The following GSAP variants were observed in gnomAD, a reference collection of about 807,000 sequenced individuals.
GSAP encodes the protein gamma-secretase activating protein.
A neutral mutation model predicts 131.7 loss-of-function variants in GSAP; 118 were observed. The ratio of observed to expected loss-of-function variants is 0.90; its 90% CI spans 0.77 to 1.04. The LOEUF (loss-of-function observed/expected upper bound fraction) is 1.04, where lower values mean the gene tolerates loss of function less well. Ranked by LOEUF, GSAP falls within the 50% of genes least tolerant of loss-of-function variation. The probability of loss-of-function intolerance (pLI) is 0.00; values close to 1 mark genes in which losing one functional copy is unlikely to be tolerated. For missense variants in GSAP, 1,019 were observed against 1,013.2 expected, an observed-to-expected ratio of 1.01 and a Z score of -0.08; for synonymous variants, 381 against 363.4, an observed-to-expected ratio of 1.05 and a Z score of -0.55.
chr7:77,311,349 TTTTC>T lies in GSAP; in HGVS notation c.*5_*8del. 1 of 1,559,460 alleles carries T rather than the reference TTTTC, an allele frequency of 6.4e-7. No individual in the cohort carries two copies. The highest frequency in any genetic ancestry group is 8.8e-7 in the Non-Finnish European group (1 of 1,130,760). ...AATGGCAGCAGCAGATCCAATTGCG[TTTTC>T]TTTTTCATAAGCCTAAAAGCATCGC... On this transcript the variant is annotated 3_prime_UTR_variant, in exon 31 of 31. Transcript: ENST00000257626.
chr7:77,386,808 T>C (rs1798644790), intron 6 of GSAP, among the ~76,000 whole-genome samples: 1 of 152,238 alleles, frequency 6.6e-6, no homozygotes, highest in African/African-American at 2.4e-5. Flanking sequence ...CAATTGCGAA[T>C]GTGCATGTTG....
At chr7:77,338,621 G>A (rs77612950) in intron 19 of GSAP, among the ~76,000 whole-genome samples, 16,931 of 152,102 alleles carry the variant, frequency 0.11, 1,026 homozygotes, top group African/African-American at 0.12. Context: ...CCATGTGTTC[G>A]CTGTAACCTC....
chr7:77,334,576 A>C (rs1347580983), intron 19 of GSAP, among the ~76,000 whole-genome samples: 3 of 131,122 alleles, frequency 2.3e-5, no homozygotes, highest in African/African-American at 5.9e-5. Flanking sequence ...TGGAACTTAA[A>C]ATTTAAAAAA....
chr7:77,413,395 G>A (rs180887765), intron 1 of GSAP, among the ~76,000 whole-genome samples: 280 of 152,334 alleles, frequency 1.8e-3, no homozygotes, highest in African/African-American at 6.3e-3. Flanking sequence ...CCCTGAAGGG[G>A]CTGACAGCTG....
At chr7:77,380,322 GT>G (rs998706267) in intron 8 of GSAP, among the ~76,000 whole-genome samples, 15 of 152,220 alleles carry the variant, frequency 9.9e-5, no homozygotes, top group Admixed American at 2.0e-4. Flanking sequence ...ATTGTTAGAA[GT>G]TTTTTTGGAA....
intron 10 of GSAP, 28 bp downstream of exon 10, chr7:77,376,820 C>T: frequency 1.8e-6 from 2 of 1,104,858 alleles, no homozygotes; most frequent in Non-Finnish European, 2.7e-6. Context: ...ATAAACTTTC[C>T]TGTAGTGTGA....
chr7:77,372,907 G>C (rs1239440552), intron 12 of GSAP, among the ~76,000 whole-genome samples: 1 of 152,116 alleles, frequency 6.6e-6, no homozygotes, highest in Non-Finnish European at 1.5e-5. Flanking sequence ...TATCCTTCAA[G>C]TCTCTACTGA....
At position 77,313,010 on chromosome 7, in the gene GSAP, C is replaced by T. The variant is rs117384214; in HGVS notation, c.2271+478G>A. 6.7e-4 allele frequency among the ~76,000 whole-genome samples: 102 copies of T among 152,276 alleles called. No homozygotes were observed. The East Asian group carries it at 0.017, about 25-fold the overall frequency. ...ACCATGTCATATTTTCATAGTATCTCTCACTCTAAGTGTTGATATTCCCTC... is the reference window on the plus strand; with the variant it reads ...ACCATGTCATATTTTCATAGTATCTTTCACTCTAAGTGTTGATATTCCCTC... On this transcript the variant is annotated intron_variant, in intron 28 of 30. Transcript: ENST00000257626.
At chr7:77,337,637 AG>A (rs1158813300) in intron 19 of GSAP, among the ~76,000 whole-genome samples, 2 of 152,194 alleles carry the variant, frequency 1.3e-5, no homozygotes, top group Admixed American at 6.5e-5. Flanking sequence ...GGGAGCAGTA[AG>A]TTTTTGTCCT....
intron 5 of GSAP, among the ~76,000 whole-genome samples, chr7:77,389,104 T>C (rs1352628601): frequency 1.3e-5 from 2 of 152,092 alleles, no homozygotes; most frequent in Non-Finnish European, 2.9e-5. Flanking sequence ...ATAGAAATGC[T>C]CTGTTGAGAG....
At chr7:77,412,725 A>G (rs987906495) in intron 1 of GSAP, among the ~76,000 whole-genome samples, 3 of 151,396 alleles carry the variant, frequency 2.0e-5, no homozygotes, top group Non-Finnish European at 1.5e-5. Flanking sequence ...GTAAATACAT[A>G]GAGATGCTCA....
At position 77,348,951 on chromosome 7, in the gene GSAP, TGTGCAC is replaced by T. The variant is rs565333061; in HGVS notation, c.1545+394_1545+399del. Among the ~76,000 whole-genome samples, 313 of 152,292 alleles carry T rather than the reference TGTGCAC, an allele frequency of 2.1e-3. 1 individual carries two copies. The highest frequency in any genetic ancestry group is 3.6e-3 in the Non-Finnish European group (248 of 68,034). On this transcript the variant is annotated intron_variant, in intron 19 of 30. Coordinates refer to ENST00000257626, the MANE Select transcript of GSAP (RefSeq NM_017439.4). Reference sequence around the variant, plus strand: ...ACTGGAAATTCTGTGTGTGTGTGTGTGTGCACGTGCACGTGCGCAAGCTCATTTTGA... The same window carrying T: ...ACTGGAAATTCTGTGTGTGTGTGTGTGTGCACGTGCGCAAGCTCATTTTGA...
chr7:77,311,682 T>A (rs984058197), intron 30 of GSAP, 159 bp downstream of exon 30: 1 of 595,750 alleles, frequency 1.7e-6, no homozygotes, highest in Non-Finnish European at 3.0e-6. Flanking sequence ...GGTAATTTAC[T>A]CTAGGTAGTA....
At chr7:77,330,102 A>T in intron 20 of GSAP, 137 bp downstream of exon 20, 2 of 1,015,912 alleles carry the variant, frequency 2.0e-6, no homozygotes, top group Non-Finnish European at 2.8e-6. Context: ...CATTGAGATC[A>T]GTAATGACAA....
rs375595494 is a variant in GSAP at position 77,402,616 on chromosome 7, A to AAAAAAAAAAAAAAAAAAAAAAAT, written c.243+1942_243+1943insATTTTTTTTTTTTTTTTTTTTTT. Among the ~76,000 whole-genome samples the AAAAAAAAAAAAAAAAAAAAAAAT allele has an allele frequency of 5.9e-3, 477 of 80,436 alleles. 103 individuals are homozygous for AAAAAAAAAAAAAAAAAAAAAAAT. Among genetic ancestry groups the AAAAAAAAAAAAAAAAAAAAAAAT allele is most frequent in the Non-Finnish European group, 9.7e-3 (357 of 36,812 alleles). 52.8% of individuals were successfully genotyped at this position (80,436 alleles called of 152,430 possible). ...CTCAAAAAAAAAAAAAAAAAAAAAA[A>AAAAAAAAAAAAAAAAAAAAAAAT]GAATTTTAAAGCCCATCTAGATTTG... On this transcript the variant is annotated intron_variant, in intron 3 of 30. Coordinates refer to ENST00000257626, the MANE Select transcript of GSAP (RefSeq NM_017439.4).
intron 19 of GSAP, among the ~76,000 whole-genome samples, chr7:77,343,771 T>G (rs185848499): frequency 1.2e-3 from 177 of 152,282 alleles, no homozygotes; most frequent in Middle Eastern, 3.4e-3. Flanking sequence ...ATTATCTCCT[T>G]CCAGCCTCAC....
At chr7:77,350,855 C>G (rs965379342) in intron 18 of GSAP, among the ~76,000 whole-genome samples, 1 of 152,106 alleles carries the variant, frequency 6.6e-6, no homozygotes, top group Non-Finnish European at 1.5e-5. Flanking sequence ...AGTGTTAAAA[C>G]AGAAATTTAA....
intron 2 of GSAP, 101 bp downstream of exon 2, chr7:77,405,928 C>T: frequency 2.4e-6 from 1 of 415,278 alleles, no homozygotes; most frequent in South Asian, 3.3e-5. Flanking sequence ...ATTCATTACC[C>T]TTCAATAAGA....
upstream of GSAP, chr7:77,416,439 C>G (rs941158898): frequency 1.9e-6 from 1 of 519,820 alleles, no homozygotes; most frequent in Non-Finnish European, 3.3e-6. Flanking sequence ...TCCCCCGCCC[C>G]CTGCTGCTTT....
Sources: allele counts gnomAD v4.1 joint callset (sites outside exome capture counted in the v4.1 genomes callset), GRCh38; gene constraint gnomAD v4.1.1; transcripts MANE v1.5; gene names NCBI Gene and HGNC (gene_info 2026-07-23, HGNC 2026-07-21).